PLA2G6: variants seen among roughly 807,000 people sequenced by gnomAD.
The protein encoded by PLA2G6 is phospholipase A2 group VI, also known as 85/88 kDa calcium-independent phospholipase A2.
PLA2G6 carries 62 observed loss-of-function variants against 83.8 expected under a neutral mutation model. The observed-to-expected ratio is 0.74, with a 90% CI of 0.60 to 0.91. The LOEUF (loss-of-function observed/expected upper bound fraction) is 0.91, where lower values mean the gene tolerates loss of function less well. PLA2G6 is among the 40% of genes least tolerant of loss of function. The pLI is 0.00. For missense variants in PLA2G6, 944 were observed against 1,102.0 expected, an observed-to-expected ratio of 0.86 and a Z score of 2.03; for synonymous variants, 417 against 449.8, an observed-to-expected ratio of 0.93 and a Z score of 0.92.
intron 14 of PLA2G6, chr22:38,113,898 C>T (rs1219071160): frequency 1.6e-6 from 1 of 624,866 alleles, no homozygotes; most frequent in Non-Finnish European, 3.0e-6. Flanking sequence ...AACAGGACCA[C>T]ACATACACCA....
chr22:38,169,679 G>A (rs2090359612), intron 1 of PLA2G6, among the ~76,000 whole-genome samples: 1 of 152,224 alleles, frequency 6.6e-6, no homozygotes, highest in Admixed American at 6.5e-5. Context: ...AGGCCAGGCT[G>A]GCTACCTAGA....
intron 2 of PLA2G6, among the ~76,000 whole-genome samples, chr22:38,166,004 G>A (rs1485569306): frequency 1.3e-5 from 2 of 152,232 alleles, no homozygotes; most frequent in Non-Finnish European, 2.9e-5. Context: ...AAGAGGATGA[G>A]AGGAGTGCAG....
In PLA2G6 at chr22:38,111,978, G is replaced by C; in HGVS notation, c.*183C>G. ...GAATGACAGAAAGTGCTGGAAGGCG[G>C]GGTTAGTGGGAGACAGGCCTTCAGG... On this transcript the variant is annotated 3_prime_UTR_variant, in exon 17 of 17. Transcript: ENST00000332509. 3.5e-6 allele frequency: 2 copies of C among 565,466 alleles called. No individual in the cohort carries two copies. The highest frequency in any genetic ancestry group is 6.1e-6 in the Non-Finnish European group (2 of 327,250). 35.0% of individuals were successfully genotyped at this position (565,466 alleles called of 1,614,324 possible).
intron 2 of PLA2G6, chr22:38,148,179 G>A: frequency 3.2e-6 from 1 of 312,942 alleles, no homozygotes; most frequent in Non-Finnish European, 6.1e-6. Flanking sequence ...GGAATGGAGG[G>A]AACCAAGGCC....
In PLA2G6 at chr22:38,132,704, G is replaced by A; in HGVS notation, c.1077+127C>T. The A allele has an allele frequency of 2.3e-6, 2 of 874,978 alleles. No homozygotes were observed. The highest frequency in any genetic ancestry group is 3.5e-6 in the Non-Finnish European group (2 of 564,488). 54.2% of individuals were successfully genotyped at this position (874,978 alleles called of 1,614,324 possible). A position where few individuals can be genotyped will look rare whatever the true frequency, so the allele number is the denominator to read the frequency against. On this transcript the variant is annotated intron_variant, in intron 7 of 16. Coordinates refer to ENST00000332509, the MANE Select transcript of PLA2G6 (RefSeq NM_003560.4). The surrounding 1 kb of genome is among the most constrained non-coding windows in gnomAD (Gnocchi z 5.0). ...GAGTCAGGGTCTGAACTGAGCTTTG[G>A]GTGGGAAGATGATTTGGAGCAGCTG...
intron 1 of PLA2G6, among the ~76,000 whole-genome samples, chr22:38,172,720 CAG>C (rs913383706): frequency 1.3e-5 from 2 of 152,174 alleles, no homozygotes; most frequent in African/African-American, 2.4e-5. Context: ...CCAGGAAGGG[CAG>C]AGAGTCAAGA....
intron 2 of PLA2G6, chr22:38,148,300 G>C (rs765364260): frequency 5.7e-5 from 31 of 548,104 alleles, no homozygotes; most frequent in Admixed American, 2.7e-4. Flanking sequence ...GATAGCGAAT[G>C]GGGAAAGTGT....
intron 7 of PLA2G6, chr22:38,131,639 T>C (rs548137282): frequency 6.5e-6 from 1 of 153,910 alleles, no homozygotes; most frequent in East Asian, 1.9e-4. Flanking sequence ...GTTTCAGCCT[T>C]TTGGGCAACA....
At chr22:38,133,654 G>C (rs2088361485) in intron 6 of PLA2G6, 1 of 153,936 alleles carries the variant, frequency 6.5e-6, no homozygotes, top group Non-Finnish European at 1.4e-5. Context: ...GAGGCTGGCA[G>C]TGCCCTCCCT....
intron 2 of PLA2G6, chr22:38,148,664 G>A (rs1433133955): frequency 2.5e-5 from 17 of 672,274 alleles, no homozygotes. Flanking sequence ...CTTACTTTGG[G>A]TTAGGGTCCT....
At chr22:38,169,067 G>A in intron 2 of PLA2G6, 151 bp downstream of exon 2, 1 of 693,692 alleles carries the variant, frequency 1.4e-6, no homozygotes, top group Non-Finnish European at 2.6e-6. Context: ...CCTTCCCTCT[G>A]GTCCAAGAGT....
chr22:38,165,620 T>A (rs1653126288), intron 2 of PLA2G6, among the ~76,000 whole-genome samples: 1 of 152,102 alleles, frequency 6.6e-6, no homozygotes, highest in Non-Finnish European at 1.5e-5. Flanking sequence ...ACTCCTGTAA[T>A]CCCAGCACTT....
chr22:38,166,943 A>G (rs906640404), intron 2 of PLA2G6, among the ~76,000 whole-genome samples: 9 of 151,986 alleles, frequency 5.9e-5, no homozygotes, highest in African/African-American at 1.5e-4. Context: ...GTGCTAACCC[A>G]ACATACTTAA....
At chr22:38,173,503 G>T (rs1395282066) in intron 1 of PLA2G6, among the ~76,000 whole-genome samples, 3 of 152,052 alleles carry the variant, frequency 2.0e-5, no homozygotes, top group Non-Finnish European at 2.9e-5. Context: ...CAATTTCCAG[G>T]TACCAATTTT....
intron 4 of PLA2G6, chr22:38,140,438 G>T (rs2088835977): frequency 4.7e-6 from 2 of 425,720 alleles, no homozygotes; most frequent in Non-Finnish European, 4.4e-6. Flanking sequence ...AACCCAGGAG[G>T]CAGAGGTTGC....
At chr22:38,126,281 G>A in intron 10 of PLA2G6, 90 bp downstream of exon 10, 1 of 955,218 alleles carries the variant, frequency 1.0e-6, no homozygotes, top group Admixed American at 1.7e-5. Context: ...AGGGTGCAGA[G>A]AGTAAAGCCC....
intron 7 of PLA2G6, chr22:38,131,339 T>TA (rs1430376398): frequency 1.3e-5 from 2 of 152,132 alleles, no homozygotes; most frequent in South Asian, 2.1e-4. Flanking sequence ...TTAAGTTTTT[T>TA]AAAAAATTTT....
intron 11 of PLA2G6, among the ~76,000 whole-genome samples, chr22:38,122,798 G>A (rs781585958): frequency 1.1e-4 from 16 of 152,180 alleles, no homozygotes; most frequent in Non-Finnish European, 2.2e-4. Flanking sequence ...CAGGGGTGAG[G>A]GGAGGAGGGG....
chr22:38,164,603 A>G (rs1165968911), intron 2 of PLA2G6, among the ~76,000 whole-genome samples: 1 of 152,156 alleles, frequency 6.6e-6, no homozygotes, highest in African/African-American at 2.4e-5. Flanking sequence ...CTTAGGTTAT[A>G]CAACCCAAGA....
Sources: allele counts gnomAD v4.1 joint callset (sites outside exome capture counted in the v4.1 genomes callset), GRCh38; gene constraint gnomAD v4.1.1; non-coding constraint Gnocchi (gnomAD v3.1); transcripts MANE v1.5; gene names NCBI Gene and HGNC (gene_info 2026-07-23, HGNC 2026-07-21).